DRC1: variants seen among roughly 807,000 people sequenced by gnomAD.
The protein encoded by DRC1 is dynein regulatory complex protein 1.
A neutral mutation model predicts 98.7 loss-of-function variants in DRC1; 74 were observed. That is an observed-to-expected ratio of 0.75 (90% CI 0.62 to 0.91). The LOEUF (loss-of-function observed/expected upper bound fraction) is 0.91. Among genes scored for constraint, DRC1 ranks in the 40% least tolerant of loss-of-function variants. The probability of loss-of-function intolerance (pLI) is 0.00; values close to 1 mark genes in which losing one functional copy is unlikely to be tolerated. For synonymous variants in DRC1, 336 were observed against 334.1 expected (o/e 1.01, Z -0.06); for missense variants, 875 against 886.0 (o/e 0.99, Z 0.16).
At chr2:26,437,526 A>C (rs1319533191) in intron 7 of DRC1, among the ~76,000 whole-genome samples, 1 of 152,152 alleles carries the variant, frequency 6.6e-6, no homozygotes, top group East Asian at 1.9e-4. Context: ...GGGCACTTGC[A>C]CCCATGGCCA....
chr2:26,455,266 G>T, intron 16 of DRC1, 33 bp downstream of exon 16: 1 of 1,598,838 alleles, frequency 6.3e-7, no homozygotes, highest in South Asian at 1.1e-5. Flanking sequence ...GAGGGGCAGC[G>T]GGAGACACGG....
At chr2:26,443,653 C>G (rs1439330931) in intron 8 of DRC1, among the ~76,000 whole-genome samples, 2 of 152,178 alleles carry the variant, frequency 1.3e-5, no homozygotes, top group African/African-American at 2.4e-5. Context: ...TTCAACATAT[C>G]CTTGCGCAAA....
At chr2:26,442,670 C>T (rs1437679568) in intron 8 of DRC1, among the ~76,000 whole-genome samples, 1 of 152,150 alleles carries the variant, frequency 6.6e-6, no homozygotes, top group African/African-American at 2.4e-5. Flanking sequence ...CTTTCATTTA[C>T]CTGGAACTGC....
Position 26,444,798 on chromosome 2 carries a change from GC to G in DRC1, c.1248del (p.Phe417LeufsTer24). 6.2e-7 allele frequency: 1 copy of G among 1,614,224 alleles called. No individual in the cohort carries two copies. Among genetic ancestry groups the G allele is most frequent in the Non-Finnish European group, 8.5e-7 (1 of 1,180,048 alleles). On this transcript the variant is annotated frameshift_variant, in exon 10 of 17. Transcript: ENST00000288710. LOFTEE classifies it high-confidence loss of function. ...EEEAKDLIAR[A>X]FDVDRIIHTH... The stretch of plus-strand genomic sequence containing the variant: ...GGAGGCGAAGGACCTAATAGCCAGA[GC>G]CTTTGATGTGGACAGGATCATCCAC...
chr2:26,417,074 G>C (rs1182759087), intron 2 of DRC1, among the ~76,000 whole-genome samples: 1 of 152,078 alleles, frequency 6.6e-6, no homozygotes, highest in Non-Finnish European at 1.5e-5. Flanking sequence ...CAAGAGGATG[G>C]TGCTAAACTA....
intron 3 of DRC1, among the ~76,000 whole-genome samples, chr2:26,421,723 G>A (rs1268138323): frequency 6.6e-6 from 1 of 152,040 alleles, no homozygotes; most frequent in African/African-American, 2.4e-5. Context: ...ACCAAGCCAG[G>A]CTAATTTTGT....
intron 7 of DRC1, among the ~76,000 whole-genome samples, chr2:26,437,551 C>T (rs1028506503): frequency 1.3e-5 from 2 of 152,126 alleles, no homozygotes; most frequent in African/African-American, 4.8e-5. Flanking sequence ...GAGCATAAAC[C>T]ATAGGTTGCT....
chr2:26,404,524 T>C (rs971820486), intron 1 of DRC1, among the ~76,000 whole-genome samples: 3 of 152,202 alleles, frequency 2.0e-5, no homozygotes, highest in African/African-American at 7.2e-5. Flanking sequence ...ACAGTCACTT[T>C]CTAGGATCCA....
chr2:26,439,149 G>A (rs1365866963), intron 7 of DRC1, among the ~76,000 whole-genome samples: 1 of 152,044 alleles, frequency 6.6e-6, no homozygotes, highest in African/African-American at 2.4e-5. Flanking sequence ...ACTTCTTGTG[G>A]TTTTCCCAAA....
Position 26,456,627 on chromosome 2 carries a change from C to G in DRC1, c.*110C>G. ...CACCTGGGCCTGCTCTCTGGATTTT[C>G]CAGGGCTGTCTTTATAGCCTGTCGA... On this transcript the variant is annotated 3_prime_UTR_variant, in exon 17 of 17. Transcript: ENST00000288710. 7.6e-7 allele frequency: 1 copy of G among 1,315,850 alleles called. No homozygotes were observed. The highest frequency in any genetic ancestry group is 1.3e-5 in the South Asian group (1 of 79,940). The allele number at this position is 1,315,850 out of a possible 1,614,324, so 81.5% of individuals were successfully genotyped here. A position where few individuals can be genotyped will look rare whatever the true frequency, so the allele number is the denominator to read the frequency against.
chr2:26,409,336 A>G (rs1678524573), intron 1 of DRC1, among the ~76,000 whole-genome samples: 1 of 152,146 alleles, frequency 6.6e-6, no homozygotes, highest in African/African-American at 2.4e-5. Flanking sequence ...ATGGCTAGGG[A>G]CTTAGATTGA....
At chr2:26,411,879 T>G (rs1678622178) in intron 1 of DRC1, among the ~76,000 whole-genome samples, 1 of 152,138 alleles carries the variant, frequency 6.6e-6, no homozygotes, top group African/African-American at 2.4e-5. Flanking sequence ...AGCACTGATC[T>G]TTGATCCAGA....
At chr2:26,440,924 C>T (rs1663700693) in intron 8 of DRC1, among the ~76,000 whole-genome samples, 1 of 152,180 alleles carries the variant, frequency 6.6e-6, no homozygotes, top group Non-Finnish European at 1.5e-5. Flanking sequence ...TGCTTACTAC[C>T]CACTGCATAG....
In DRC1 at chr2:26,450,694, G is replaced by A. The variant is rs770895518; in HGVS notation, c.1689+13G>A. On this transcript the variant is annotated intron_variant, in intron 13 of 16. Transcript: ENST00000288710. ...TTCCAGCCTCCAGGTAAGGCAAGGT[G>A]CAGAGAGAAGAAAGCATTTTCTTTC... The A allele has an allele frequency of 2.6e-6, 4 of 1,544,360 alleles. No individual in the cohort carries two copies. The highest frequency in any genetic ancestry group is 1.2e-5 in the South Asian group (1 of 80,554).
Position 26,444,436 on chromosome 2 carries a change from G to T in DRC1, c.1163+80G>T. The T allele has an allele frequency of 3.2e-6, 5 of 1,547,936 alleles. No homozygotes were observed. The South Asian group carries it at 6.1e-5, about 19-fold the overall frequency. ...TGGAGTTTGTACAAGCTGTGATTTCGTTGGACTTGATGTCACCAGCTATTC... is the reference window on the plus strand; with the variant it reads ...TGGAGTTTGTACAAGCTGTGATTTCTTTGGACTTGATGTCACCAGCTATTC... On this transcript the variant is annotated intron_variant, in intron 9 of 16. Coordinates refer to ENST00000288710, the MANE Select transcript of DRC1 (RefSeq NM_145038.5).
chr2:26,453,472 A>G lies in DRC1; in HGVS notation c.1842A>G (p.Pro614=), dbSNP rs34156858. 1.2e-6 allele frequency: 2 copies of G among 1,613,714 alleles called. No homozygotes were observed. The highest frequency in any genetic ancestry group is 1.7e-5 in the Admixed American group (1 of 59,944). The change falls in exon 14 of 17, where the codon CCA becomes CCG. Residue 614 remains proline (P), a synonymous_variant. Coordinates refer to ENST00000288710, the MANE Select transcript of DRC1 (RefSeq NM_145038.5). The part of the protein sequence containing the change: ...EGEKEEEEET[P]PSPWVIHPND... ...AGAAGGAGGAAGAGGAGGAGACCCC[A>G]CCCTCCCCCTGGGTCATCCACCCCA...
intron 1 of DRC1, among the ~76,000 whole-genome samples, chr2:26,404,099 CA>C (rs1272946312): frequency 2.5e-4 from 35 of 139,926 alleles, no homozygotes; most frequent in Admixed American, 3.6e-4. Context: ...GACTCTGTCT[CA>C]AAAAAAAAAA....
chr2:26,414,891 A>G (rs980136554), intron 2 of DRC1, among the ~76,000 whole-genome samples: 5 of 151,536 alleles, frequency 3.3e-5, no homozygotes, highest in Non-Finnish European at 7.4e-5. Flanking sequence ...CTCTCCTCTC[A>G]TCTGGCCACT....
chr2:26,420,524 T>C (rs983547900), intron 2 of DRC1, among the ~76,000 whole-genome samples: 2 of 152,178 alleles, frequency 1.3e-5, no homozygotes, highest in African/African-American at 4.8e-5. Context: ...ATGTACAATA[T>C]CTGCTGGTAT....
Sources: gnomAD v4.1 joint callset for allele counts (sites outside exome capture counted in the v4.1 genomes callset) on GRCh38, gnomAD v4.1.1 for gene constraint, MANE v1.5 for transcripts, NCBI Gene and HGNC (gene_info 2026-07-23, HGNC 2026-07-21) for gene names.